ATAD2: variants seen among roughly 807,000 people sequenced by gnomAD.
ATAD2 encodes the protein ATPase family AAA domain-containing protein 2.
A neutral mutation model predicts 168.9 loss-of-function variants in ATAD2; 62 were observed. The ratio of observed to expected loss-of-function variants is 0.37; its 90% confidence interval spans 0.30 to 0.45. The LOEUF is 0.45. ATAD2 is among the 20% of genes least tolerant of loss of function. The probability of loss-of-function intolerance (pLI) is 1.00; values close to 1 mark genes in which losing one functional copy is unlikely to be tolerated. For missense variants in ATAD2, 1,419 were observed against 1,667.8 expected, an observed-to-expected ratio of 0.85 and a Z score of 2.60; for synonymous variants, 613 against 571.6, an observed-to-expected ratio of 1.07 and a Z score of -1.03.
intron 1 of ATAD2, chr8:123,401,512 T>C (rs1475668391): frequency 1.1e-5 from 17 of 1,566,252 alleles, no homozygotes; most frequent in East Asian, 4.6e-5. Context: ...AAGAACCTGA[T>C]TGATGCTGGT....
chr8:123,346,866 T>C, intron 16 of ATAD2, 116 bp from the exon 17 acceptor site: 5 of 1,223,210 alleles, frequency 4.1e-6, no homozygotes, highest in Non-Finnish European at 4.6e-6. Flanking sequence ...TCAAAAATAT[T>C]TGTGTAGATA....
intron 8 of ATAD2, among the ~76,000 whole-genome samples, chr8:123,365,987 C>T (rs1199957301): frequency 6.6e-6 from 1 of 152,032 alleles, no homozygotes; most frequent in East Asian, 1.9e-4. Context: ...AAAAGGCAAC[C>T]CACAGTATGG....
At chr8:123,409,521 C>G (rs2130045075) in intron 1 of ATAD2, among the ~76,000 whole-genome samples, 1 of 152,100 alleles carries the variant, frequency 6.6e-6, no homozygotes, top group East Asian at 1.9e-4. Flanking sequence ...GAGACAGGGT[C>G]TCACTCTGTC....
intron 27 of ATAD2, among the ~76,000 whole-genome samples, 158 bp from the exon 28 acceptor site, chr8:123,321,333 A>G (rs1159040342): frequency 6.8e-6 from 1 of 148,032 alleles, no homozygotes; most frequent in Non-Finnish European, 1.5e-5. Context: ...TAAGACTGCC[A>G]CATAGATTTT....
intron 26 of ATAD2, among the ~76,000 whole-genome samples, chr8:123,325,066 T>C (rs1827571826): frequency 1.3e-5 from 2 of 150,714 alleles, no homozygotes; most frequent in East Asian, 3.9e-4. Context: ...GAATTAAAAA[T>C]CTATTTTATA....
At chr8:123,374,906 T>C (rs1433919457) in intron 2 of ATAD2, among the ~76,000 whole-genome samples, 1 of 152,184 alleles carries the variant, frequency 6.6e-6, no homozygotes, top group African/African-American at 2.4e-5. Flanking sequence ...TAAGTAAGTA[T>C]GTAGATCGTA....
chr8:123,361,965 G>T (rs1170869850), intron 8 of ATAD2, among the ~76,000 whole-genome samples: 1 of 152,132 alleles, frequency 6.6e-6, no homozygotes. Context: ...GATTAAGAGG[G>T]TATTAGAATA....
chr8:123,394,012 T>C (rs550076366), intron 1 of ATAD2, among the ~76,000 whole-genome samples: 1 of 152,234 alleles, frequency 6.6e-6, no homozygotes, highest in East Asian at 1.9e-4. Flanking sequence ...ACTTGGAATA[T>C]ATTTTGAAAG....
intron 23 of ATAD2, 22 bp from the exon 24 acceptor site, chr8:123,334,043 T>C (rs187547132): frequency 3.1e-6 from 5 of 1,592,664 alleles, no homozygotes; most frequent in East Asian, 4.5e-5. Context: ...ATATGTGGGA[T>C]GTCAAAAGGA....
At chr8:123,410,732 T>C (rs1390739711) in intron 1 of ATAD2, among the ~76,000 whole-genome samples, 1 of 152,216 alleles carries the variant, frequency 6.6e-6, no homozygotes, top group Admixed American at 6.5e-5. Context: ...GGACCATGCT[T>C]GTTACGGCTC....
chr8:123,409,474 G>C (rs1288425183), intron 1 of ATAD2, among the ~76,000 whole-genome samples: 1 of 152,132 alleles, frequency 6.6e-6, no homozygotes, highest in Admixed American at 6.5e-5. Flanking sequence ...GGGAATGTCA[G>C]GGTTTTGATT....
intron 2 of ATAD2, among the ~76,000 whole-genome samples, chr8:123,379,870 G>GTATTAT (rs200843075): frequency 2.2e-4 from 30 of 135,502 alleles, no homozygotes; most frequent in East Asian, 1.3e-3. Context: ...GCCCGGCCAC[G>GTATTAT]TATTATTATT....
intron 2 of ATAD2, among the ~76,000 whole-genome samples, chr8:123,373,639 A>T (rs1202817948): frequency 6.6e-6 from 1 of 151,976 alleles, no homozygotes; most frequent in African/African-American, 2.4e-5. Flanking sequence ...ATACAAAAAA[A>T]TTAGCCAGGC....
chr8:123,392,941 T>C (rs1320254994), intron 1 of ATAD2, among the ~76,000 whole-genome samples: 1 of 152,158 alleles, frequency 6.6e-6, no homozygotes, highest in Non-Finnish European at 1.5e-5. Flanking sequence ...TCCCAGCACT[T>C]TGGGAGGCCG....
intron 13 of ATAD2, among the ~76,000 whole-genome samples, chr8:123,349,647 C>T (rs565339029): frequency 2.0e-5 from 3 of 152,112 alleles, no homozygotes; most frequent in East Asian, 1.9e-4. Context: ...GGAAAACAGA[C>T]GGTTGTTAGA....
intron 1 of ATAD2, among the ~76,000 whole-genome samples, chr8:123,408,645 T>C (rs1009473035): frequency 9.9e-5 from 15 of 152,098 alleles, no homozygotes; most frequent in Admixed American, 9.8e-4. Context: ...GCCTCCCAAG[T>C]AGCTGAGATT....
intron 25 of ATAD2, among the ~76,000 whole-genome samples, chr8:123,327,510 C>T (rs1432489358): frequency 6.7e-6 from 1 of 149,864 alleles, no homozygotes; most frequent in East Asian, 1.9e-4. Context: ...GTATCAGCCA[C>T]TAAAAAAAAA....
At chr8:123,349,970 T>G (rs1043223711) in intron 13 of ATAD2, among the ~76,000 whole-genome samples, 1 of 151,088 alleles carries the variant, frequency 6.6e-6, no homozygotes, top group African/African-American at 2.4e-5. Flanking sequence ...GAGCCAAGAT[T>G]GCACCACTGC....
Position 123,325,818 on chromosome 8 carries a change from T to A in ATAD2, c.4002+75A>T. 2.0e-6 allele frequency: 3 copies of A among 1,532,808 alleles called. No homozygotes were observed. The South Asian group carries it at 3.6e-5, about 18-fold the overall frequency. The allele number at this position is 1,532,808 out of a possible 1,614,324, so 95.0% of individuals were successfully genotyped here. A position where few individuals can be genotyped will look rare whatever the true frequency, so the allele number is the denominator to read the frequency against. On this transcript the variant is annotated intron_variant, in intron 26 of 27. Coordinates refer to ENST00000287394, the MANE Select transcript of ATAD2 (RefSeq NM_014109.4). ...TCATGTAAATCCCATGTAGCCAGAA[T>A]GCTACTAGTCACAAGCCAGTGTTTG...
Sources: allele counts gnomAD v4.1 joint callset (sites outside exome capture counted in the v4.1 genomes callset), GRCh38; gene constraint gnomAD v4.1.1; transcripts MANE v1.5; gene names NCBI Gene and HGNC (gene_info 2026-07-23, HGNC 2026-07-21).